GAS7: variants seen among roughly 807,000 people sequenced by gnomAD.
GAS7 encodes growth arrest-specific protein 7.
In GAS7, 28 loss-of-function variants were observed where a neutral mutation model predicts 71.1. The ratio of observed to expected loss-of-function variants is 0.39; its 90% CI spans 0.29 to 0.54. The LOEUF (loss-of-function observed/expected upper bound fraction) is 0.54, where lower values mean the gene tolerates loss of function less well. GAS7 is among the 20% of genes least tolerant of loss of function. The pLI, the probability that GAS7 is intolerant of heterozygous loss-of-function variation, is 0.62. For missense variants in GAS7, 436 were observed against 627.8 expected, an observed-to-expected ratio of 0.69 and a Z score of 3.27; for synonymous variants, 258 against 245.8, an observed-to-expected ratio of 1.05 and a Z score of -0.46.
At chr17:9,954,745 G>A (rs184728423) in intron 5 of GAS7, among the ~76,000 whole-genome samples, 3 of 152,206 alleles carry the variant, frequency 2.0e-5, no homozygotes, top group South Asian at 2.1e-4. Context: ...TACAATGCAC[G>A]GGACAGCTCC....
intron 1 of GAS7, among the ~76,000 whole-genome samples, chr17:10,079,060 C>T (rs1311264314): frequency 6.6e-6 from 1 of 152,086 alleles, no homozygotes; most frequent in Non-Finnish European, 1.5e-5. Flanking sequence ...TGAAGAGCGA[C>T]AGACCAAAGC....
chr17:9,920,014 T>TGA (rs2067745995), intron 11 of GAS7, among the ~76,000 whole-genome samples: 1 of 142,886 alleles, frequency 7.0e-6, no homozygotes. Flanking sequence ...TGTGTGTGTG[T>TGA]GTCTAGGGTA....
chr17:10,117,253 C>A (rs754980008), intron 1 of GAS7, among the ~76,000 whole-genome samples: 1 of 152,122 alleles, frequency 6.6e-6, no homozygotes, highest in Non-Finnish European at 1.5e-5. Flanking sequence ...AACACTGATT[C>A]TGGCCCTCCT....
intron 1 of GAS7, among the ~76,000 whole-genome samples, chr17:10,186,554 C>T (rs768133263): frequency 1.3e-5 from 2 of 151,882 alleles, no homozygotes; most frequent in Non-Finnish European, 2.9e-5. Context: ...TAGGCATGTG[C>T]CACCAAGCCA....
At chr17:10,166,011 C>CTT (rs11356429) in intron 1 of GAS7, among the ~76,000 whole-genome samples, 39 of 143,182 alleles carry the variant, frequency 2.7e-4, no homozygotes, top group East Asian at 1.5e-3. Context: ...TTTTCTTTTT[C>CTT]TTTTTTTTTT....
At position 10,115,017 on chromosome 17, in the gene GAS7, CTCTG is replaced by C. The variant is rs199625231; in HGVS notation, c.183+83187_183+83190del. Among the ~76,000 whole-genome samples the C allele has an allele frequency of 1.9e-3, 296 of 152,292 alleles. 4 individuals carry two copies. Among genetic ancestry groups the C allele is most frequent in the South Asian group, 0.012 (56 of 4,806 alleles). ...GCTGGGGGTCATGCTCCAAGCTGTC[CTCTG>C]TCTGTCTGTCTGTCTGGCTGGCTGG... On this transcript the variant is annotated intron_variant, in intron 1 of 13. Transcript: ENST00000432992.
Position 10,055,848 on chromosome 17 carries a change from T to C in GAS7, c.184-35951A>G, listed in dbSNP as rs375463758. 4.3e-3 allele frequency among the ~76,000 whole-genome samples: 657 copies of C among 152,348 alleles called. 8 individuals carry two copies. Among genetic ancestry groups the C allele is most frequent in the South Asian group, 0.026 (124 of 4,832 alleles). ...CTGATTGCTTGCATTGTGTGACTCA[T>C]GATGTATGGTTTGGAAAACAATGCT... On this transcript the variant is annotated intron_variant, in intron 1 of 13. Coordinates refer to ENST00000432992, the MANE Select transcript of GAS7 (RefSeq NM_201433.2).
chr17:10,174,103 G>C (rs916012121), intron 1 of GAS7, among the ~76,000 whole-genome samples: 1 of 152,148 alleles, frequency 6.6e-6, no homozygotes, highest in South Asian at 2.1e-4. Context: ...AGGCGTTTCA[G>C]GACACTAATG....
intron 4 of GAS7, among the ~76,000 whole-genome samples, chr17:9,964,457 C>G (rs1388768071): frequency 1.3e-5 from 2 of 152,182 alleles, no homozygotes; most frequent in Non-Finnish European, 2.9e-5. Context: ...ATTTCCCACC[C>G]TCCCTATTCC....
chr17:10,118,143 G>A (rs1361090364), intron 1 of GAS7, among the ~76,000 whole-genome samples: 3 of 152,084 alleles, frequency 2.0e-5, no homozygotes, highest in Admixed American at 1.3e-4. Context: ...AGACCATCCC[G>A]GATTACATTT....
intron 1 of GAS7, among the ~76,000 whole-genome samples, chr17:10,053,026 C>CT (rs1342481315): frequency 1.3e-5 from 2 of 152,206 alleles, no homozygotes; most frequent in Non-Finnish European, 2.9e-5. Flanking sequence ...TTCCTGGTCT[C>CT]TGAGTAGGGT....
chr17:10,128,602 A>G (rs915455839), intron 1 of GAS7, among the ~76,000 whole-genome samples: 18 of 152,046 alleles, frequency 1.2e-4, no homozygotes, highest in Non-Finnish European at 2.4e-4. Flanking sequence ...TTTCAGTGAA[A>G]TAAGTGATCG....
chr17:10,197,783 C>T (rs560654243), intron 1 of GAS7, among the ~76,000 whole-genome samples: 2 of 152,340 alleles, frequency 1.3e-5, no homozygotes, highest in African/African-American at 4.8e-5. Context: ...CTCTAGACTC[C>T]GGGGTGGAGA....
rs1036435686 is a variant in GAS7, at chr17:9,959,807, C to T, written c.472-552G>A. On this transcript the variant is annotated intron_variant, in intron 4 of 13. Transcript: ENST00000432992. The surrounding 1 kb of genome is among the most constrained non-coding windows in gnomAD (Gnocchi z 5.0). Reference sequence around the variant, plus strand: ...AGCCAGGAGGGATTTCTCAGCCAAACCGACTTCCAGCTTCCACTCAGTCTT... The same window carrying T: ...AGCCAGGAGGGATTTCTCAGCCAAATCGACTTCCAGCTTCCACTCAGTCTT... Among the ~76,000 whole-genome samples, 1 of 151,862 alleles carries T rather than the reference C, an allele frequency of 6.6e-6. No individual in the cohort carries two copies. The highest frequency in any genetic ancestry group is 1.5e-5 in the Non-Finnish European group (1 of 68,036).
rs927740551 is a variant in GAS7 at position 10,090,046 on chromosome 17, G to C, written c.184-70149C>G. 4.6e-5 allele frequency among the ~76,000 whole-genome samples: 7 copies of C among 152,094 alleles called. No homozygotes were observed. In the South Asian group the frequency reaches 1.0e-3, roughly 23 times the overall value. Reference sequence around the variant, plus strand: ...TAGCCAGGCATGGTGGCGAGTGCCTGTAATCCCAGCTACTCGGGAGGCTGA... The same window carrying C: ...TAGCCAGGCATGGTGGCGAGTGCCTCTAATCCCAGCTACTCGGGAGGCTGA... On this transcript the variant is annotated intron_variant, in intron 1 of 13. Transcript: ENST00000432992.
intron 2 of GAS7, among the ~76,000 whole-genome samples, chr17:10,005,138 C>T (rs28532747): frequency 0.24 from 36,013 of 149,754 alleles, 6,705 homozygotes; most frequent in African/African-American, 0.53. Flanking sequence ...AGCATGTGTG[C>T]GCGCACGCAT....
intron 1 of GAS7, among the ~76,000 whole-genome samples, chr17:10,132,344 C>A (rs1476125185): frequency 3.3e-5 from 5 of 152,208 alleles, no homozygotes; most frequent in Admixed American, 6.5e-5. Context: ...CCTGGTCTAA[C>A]TTGCTGATCT....
At chr17:10,079,637 C>T (rs1424652391) in intron 1 of GAS7, among the ~76,000 whole-genome samples, 1 of 152,214 alleles carries the variant, frequency 6.6e-6, no homozygotes, top group Non-Finnish European at 1.5e-5. Flanking sequence ...TCCCACCTTT[C>T]TGGACCAAAC....
intron 1 of GAS7, among the ~76,000 whole-genome samples, chr17:10,160,479 G>C (rs1042380191): frequency 7.2e-5 from 11 of 152,126 alleles, no homozygotes; most frequent in African/African-American, 2.4e-4. Context: ...CTGAGGCTGA[G>C]AAAGCTTAAG....
Sources: gnomAD v4.1 joint callset for allele counts (sites outside exome capture counted in the v4.1 genomes callset) on GRCh38, gnomAD v4.1.1 for gene constraint, Gnocchi (gnomAD v3.1) non-coding constraint, MANE v1.5 for transcripts, NCBI Gene and HGNC (gene_info 2026-07-23, HGNC 2026-07-21) for gene names.